The following IGSF11 variants were observed in gnomAD, a reference collection of about 807,000 sequenced individuals.
IGSF11 encodes immunoglobulin superfamily member 11.
A neutral mutation model predicts 41.0 loss-of-function variants in IGSF11; 22 were observed. That is an observed-to-expected ratio of 0.54 (90% CI 0.38 to 0.77). The LOEUF (loss-of-function observed/expected upper bound fraction) is 0.77, where lower values mean the gene tolerates loss of function less well. Among genes scored for constraint, IGSF11 ranks in the 30% least tolerant of loss-of-function variants. IGSF11 has a pLI of 0.00. For synonymous variants in IGSF11, 219 were observed against 201.3 expected (o/e 1.09, Z -0.74); for missense variants, 444 against 530.8 (o/e 0.84, Z 1.61).
chr3:118,984,954 A>C (rs1935107290), intron 1 of IGSF11, among the ~76,000 whole-genome samples: 1 of 152,206 alleles, frequency 6.6e-6, no homozygotes, highest in Admixed American at 6.5e-5. Flanking sequence ...TCATGTGAGA[A>C]GATAAGAAGC....
intron 1 of IGSF11, among the ~76,000 whole-genome samples, chr3:119,041,001 T>G (rs2107747894): frequency 6.6e-6 from 1 of 152,296 alleles, no homozygotes; most frequent in East Asian, 1.9e-4. Flanking sequence ...AGCTAGAGTA[T>G]CTATTTGAAG....
intron 1 of IGSF11, among the ~76,000 whole-genome samples, chr3:118,988,625 T>C (rs549988146): frequency 4.0e-4 from 61 of 152,284 alleles, no homozygotes; most frequent in Middle Eastern, 3.4e-3. Flanking sequence ...CAGCTGGCTG[T>C]CCTCGGGGTG....
Position 119,079,078 on chromosome 3 carries a change from C to T in IGSF11, c.49+26066G>A, listed in dbSNP as rs574839673. Among the ~76,000 whole-genome samples, 91 of 152,172 alleles carry T rather than the reference C, an allele frequency of 6.0e-4. 1 individual carries two copies. The highest frequency in any genetic ancestry group is 2.1e-3 in the African/African-American group (86 of 41,528). Reference sequence around the variant, plus strand: ...TATTATTAAAAAGTTAAAAAATAGGCCGGGCATGGTAGCTCATGCCTGTAA... The same window carrying T: ...TATTATTAAAAAGTTAAAAAATAGGTCGGGCATGGTAGCTCATGCCTGTAA... On this transcript the variant is annotated intron_variant, in intron 1 of 6. Coordinates refer to the IGSF11 transcript ENST00000354673.
chr3:119,080,393 C>A (rs1216188327), intron 1 of IGSF11, among the ~76,000 whole-genome samples: 1 of 152,126 alleles, frequency 6.6e-6, no homozygotes, highest in South Asian at 2.1e-4. Flanking sequence ...AAATTATGGA[C>A]ATTTGCAAAC....
intron 1 of IGSF11, among the ~76,000 whole-genome samples, chr3:119,130,238 C>A (rs1198565264): frequency 6.6e-6 from 1 of 152,122 alleles, no homozygotes; most frequent in Non-Finnish European, 1.5e-5. Flanking sequence ...GAGGGTGAGC[C>A]AAAGCAGGGC....
chr3:118,985,753 C>T (rs922174035), intron 1 of IGSF11, among the ~76,000 whole-genome samples: 7 of 152,194 alleles, frequency 4.6e-5, no homozygotes. Flanking sequence ...TATCCCTCTG[C>T]CATTTGCTCT....
chr3:119,068,886 G>A (rs72953033), intron 1 of IGSF11, among the ~76,000 whole-genome samples: 2,376 of 148,792 alleles, frequency 0.016, 60 homozygotes, highest in African/African-American at 0.056. Flanking sequence ...GCATATAAAG[G>A]TATGATTTAT....
chr3:119,102,988 A>C (rs1576800961), intron 1 of IGSF11, among the ~76,000 whole-genome samples: 1 of 136,318 alleles, frequency 7.3e-6, no homozygotes. Context: ...TTTAATTCAT[A>C]CTTGGCCAAT....
intron 4 of IGSF11, among the ~76,000 whole-genome samples, chr3:118,914,528 G>A (rs199712724): frequency 0.16 from 23,548 of 151,196 alleles, 2,502 homozygotes; most frequent in South Asian, 0.3. Flanking sequence ...ACTCCCACCC[G>A]AATATGGCGC....
upstream of IGSF11, among the ~76,000 whole-genome samples, chr3:119,035,890 T>C (rs1940871079): frequency 6.6e-6 from 1 of 152,152 alleles, no homozygotes; most frequent in African/African-American, 2.4e-5. Context: ...CTCGGAGCCA[T>C]TCAGAAATTG....
At chr3:118,924,281 T>G (rs1942094300) in intron 4 of IGSF11, among the ~76,000 whole-genome samples, 1 of 152,194 alleles carries the variant, frequency 6.6e-6, no homozygotes, top group African/African-American at 2.4e-5. Context: ...CCAATCAGAC[T>G]TCCGGGATTC....
chr3:118,985,097 A>T (rs915926524), intron 1 of IGSF11, among the ~76,000 whole-genome samples: 5 of 152,216 alleles, frequency 3.3e-5, no homozygotes, highest in Admixed American at 1.3e-4. Context: ...ATTACTTTAA[A>T]GCACTCCCAG....
chr3:118,905,677 G>C lies in IGSF11; in HGVS notation c.622C>G (p.Leu208Val). 2 of 1,613,826 alleles carry C rather than the reference G, an allele frequency of 1.2e-6. No homozygotes were observed. The highest frequency in any genetic ancestry group is 1.7e-6 in the Non-Finnish European group (2 of 1,179,760). ...ACGCACTGGTACAAACCTGAAGACA[G>C]GGCACTGATGTTCCGGATGGTGACT... The part of the protein sequence containing the change: ...GTVTIRNISA[L>V]SSGLYQCVAS... Residue 208 changes from leucine to valine, a missense_variant, in exon 5 of 7, where the codon CTG (leucine) becomes GTG (valine). Leu to Val is a conservative substitution (Grantham distance 32). Transcript: ENST00000393775.
intron 1 of IGSF11, among the ~76,000 whole-genome samples, chr3:118,988,037 G>T (rs187232866): frequency 9.9e-5 from 15 of 152,270 alleles, no homozygotes; most frequent in Admixed American, 9.8e-4. Flanking sequence ...CTAAACAAAG[G>T]TCTGAAGCAA....
intron 1 of IGSF11, among the ~76,000 whole-genome samples, chr3:119,142,416 A>T (rs2077662170): frequency 6.6e-6 from 1 of 152,160 alleles, no homozygotes; most frequent in East Asian, 1.9e-4. Flanking sequence ...GCAAAGAAAC[A>T]ACAAAGTATG....
At chr3:119,044,854 T>C (rs1235121933) in intron 1 of IGSF11, among the ~76,000 whole-genome samples, 5 of 152,198 alleles carry the variant, frequency 3.3e-5, no homozygotes, top group Non-Finnish European at 7.4e-5. Flanking sequence ...AAACAAATGC[T>C]GACAGAATTC....
chr3:118,955,251 CACAT>C (rs1231677755), intron 1 of IGSF11, among the ~76,000 whole-genome samples: 6 of 150,148 alleles, frequency 4.0e-5, no homozygotes, highest in Admixed American at 2.0e-4. Flanking sequence ...CACACACACA[CACAT>C]ACACACACAC....
intron 1 of IGSF11, among the ~76,000 whole-genome samples, chr3:118,987,244 G>A (rs1260150962): frequency 6.6e-6 from 1 of 152,210 alleles, no homozygotes; most frequent in Non-Finnish European, 1.5e-5. Context: ...CTAGAAAAGT[G>A]AGGCCAGATA....
chr3:118,980,704 T>G (rs908282778), intron 1 of IGSF11, among the ~76,000 whole-genome samples: 1 of 152,150 alleles, frequency 6.6e-6, no homozygotes, highest in African/African-American at 2.4e-5. Flanking sequence ...CACACAGAAA[T>G]GATAAATACT....
Sources: gnomAD v4.1 joint callset for allele counts (sites outside exome capture counted in the v4.1 genomes callset) on GRCh38, gnomAD v4.1.1 for gene constraint, MANE v1.5 for transcripts, NCBI Gene and HGNC (gene_info 2026-07-23, HGNC 2026-07-21) for gene names.